RAB10: variants seen among roughly 807,000 people sequenced by gnomAD.
RAB10 encodes ras-related protein Rab-10.
Under a neutral mutation model 25.7 loss-of-function variants are expected in RAB10, and 5 were observed. The observed-to-expected ratio is 0.19, with a 90% CI of 0.10 to 0.41. The LOEUF is 0.41. Ranked by LOEUF, RAB10 falls within the 10% of genes least tolerant of loss-of-function variation. The probability of loss-of-function intolerance (pLI) is 1.00; values close to 1 mark genes in which losing one functional copy is unlikely to be tolerated. For missense variants in RAB10, 103 were observed against 245.8 expected (o/e 0.42, Z 3.89); for synonymous variants, 89 against 86.4 (o/e 1.03, Z -0.16).
At chr2:26,043,193 C>T (rs1665928533) in intron 1 of RAB10, among the ~76,000 whole-genome samples, 1 of 152,098 alleles carries the variant, frequency 6.6e-6, no homozygotes, top group Non-Finnish European at 1.5e-5. Flanking sequence ...TTTAGGAGGC[C>T]AGATTACTTG....
At position 26,109,958 on chromosome 2, in the gene RAB10, G is replaced by C. The variant is rs1287264954; in HGVS notation, c.327+52G>C. The C allele has an allele frequency of 4.2e-6, 6 of 1,435,630 alleles. No homozygotes were observed. In the South Asian group the frequency reaches 8.8e-5, roughly 21 times the overall value. The allele number at this position is 1,435,630 out of a possible 1,614,324, so 88.9% of individuals were successfully genotyped here. ...TTCATGAACACACATTTGTGTGCTT[G>C]GTTAGGAAGAATAAATATTCCAACT... On this transcript the variant is annotated intron_variant, in intron 3 of 5. Transcript: ENST00000264710.
intron 3 of RAB10, among the ~76,000 whole-genome samples, chr2:26,124,590 A>T (rs1442259870): frequency 1.3e-5 from 2 of 151,626 alleles, no homozygotes; most frequent in East Asian, 1.9e-4. Flanking sequence ...AATACTTTTT[A>T]AAATTGTGGT....
intron 5 of RAB10, among the ~76,000 whole-genome samples, chr2:26,133,768 A>G (rs1164074095): frequency 6.6e-6 from 1 of 151,282 alleles, no homozygotes; most frequent in African/African-American, 2.4e-5. Flanking sequence ...CTGCCTCCCG[A>G]GTTCAAGCGA....
chr2:26,108,093 A>G (rs1667502437), intron 2 of RAB10, among the ~76,000 whole-genome samples: 1 of 152,242 alleles, frequency 6.6e-6, no homozygotes, highest in Non-Finnish European at 1.5e-5. Flanking sequence ...CTCTGGAAAA[A>G]GTTGGCCAGT....
chr2:26,040,988 G>A (rs553505664), intron 1 of RAB10, among the ~76,000 whole-genome samples: 2 of 151,158 alleles, frequency 1.3e-5, no homozygotes, highest in East Asian at 1.9e-4. Context: ...ATCTCAAAAC[G>A]AATCCAAGGG....
In RAB10 at chr2:26,078,569, G is replaced by A. The variant is rs140365768; in HGVS notation, c.128-20093G>A. On this transcript the variant is annotated intron_variant, in intron 1 of 5. Transcript: ENST00000264710. ...TTACTGCTCAGTAGGCAGGACTAGGGTGATTTCTGAGGTGATACATGTAAT... is the reference window on the plus strand; with the variant it reads ...TTACTGCTCAGTAGGCAGGACTAGGATGATTTCTGAGGTGATACATGTAAT... 8.0e-4 allele frequency among the ~76,000 whole-genome samples: 122 copies of A among 152,266 alleles called. 1 individual carries two copies. Among genetic ancestry groups the A allele is most frequent in the African/African-American group, 2.8e-3 (116 of 41,550 alleles).
intron 3 of RAB10, among the ~76,000 whole-genome samples, chr2:26,122,870 C>T (rs186378726): frequency 9.0e-4 from 137 of 151,906 alleles, no homozygotes; most frequent in Non-Finnish European, 8.8e-4. Context: ...GTCTTTAATG[C>T]AGTTAAAAGT....
At chr2:26,108,344 T>C (rs1443175902) in intron 2 of RAB10, among the ~76,000 whole-genome samples, 1 of 152,220 alleles carries the variant, frequency 6.6e-6, no homozygotes, top group Non-Finnish European at 1.5e-5. Flanking sequence ...CAGGATTATG[T>C]GCAAAACTTG....
chr2:26,108,128 A>G (rs1667503374), intron 2 of RAB10, among the ~76,000 whole-genome samples: 1 of 152,242 alleles, frequency 6.6e-6, no homozygotes, highest in South Asian at 2.1e-4. Context: ...CACTTACCAT[A>G]TTACCCATAA....
rs182066551 is a variant in RAB10 at position 26,133,735 on chromosome 2, G to A, written c.520-1203G>A. 4.1e-3 allele frequency among the ~76,000 whole-genome samples: 615 copies of A among 151,766 alleles called. 6 individuals carry two copies. The highest frequency in any genetic ancestry group is 5.3e-3 in the Admixed American group (81 of 15,234). ...GTCGCCCAGGCTGGAGTGCTGTGGC[G>A]GGATCTTGACTCACTGCAACCTCTG... is the stretch of plus-strand genomic sequence containing the variant. On this transcript the variant is annotated intron_variant, in intron 5 of 5. Transcript: ENST00000264710.
intron 1 of RAB10, among the ~76,000 whole-genome samples, chr2:26,080,140 A>G (rs1311542280): frequency 6.6e-6 from 1 of 152,234 alleles, no homozygotes; most frequent in Non-Finnish European, 1.5e-5. Flanking sequence ...GGAGCTGTTA[A>G]TGGCCAGAGC....
chr2:26,052,688 C>T (rs1666163780), intron 1 of RAB10, among the ~76,000 whole-genome samples: 1 of 152,030 alleles, frequency 6.6e-6, no homozygotes, highest in Non-Finnish European at 1.5e-5. Flanking sequence ...TCATTGTACA[C>T]ATTTGTATTT....
chr2:26,119,044 C>T (rs141178851), intron 3 of RAB10, among the ~76,000 whole-genome samples: 1 of 152,122 alleles, frequency 6.6e-6, no homozygotes, highest in East Asian at 1.9e-4. Flanking sequence ...TTTATTGGTC[C>T]CCTGGCTCAG....
intron 1 of RAB10, among the ~76,000 whole-genome samples, chr2:26,064,892 C>T (rs892019706): frequency 2.6e-5 from 4 of 151,988 alleles, no homozygotes; most frequent in Middle Eastern, 3.2e-3. Flanking sequence ...CACACATGTG[C>T]GCACACACTC....
chr2:26,121,753 G>T (rs774438721), intron 3 of RAB10, among the ~76,000 whole-genome samples: 3 of 152,146 alleles, frequency 2.0e-5, no homozygotes, highest in Middle Eastern at 3.2e-3. Flanking sequence ...TTTGCATCAA[G>T]AGAAATGTAA....
intron 1 of RAB10, among the ~76,000 whole-genome samples, chr2:26,058,131 A>AT (rs758473393): frequency 1.3e-5 from 2 of 152,152 alleles, no homozygotes; most frequent in Non-Finnish European, 2.9e-5. Context: ...ACATTAGCAG[A>AT]TTCTTTTGGA....
At chr2:26,070,731 A>G (rs963176096) in intron 1 of RAB10, among the ~76,000 whole-genome samples, 1 of 152,334 alleles carries the variant, frequency 6.6e-6, no homozygotes, top group Admixed American at 6.5e-5. Flanking sequence ...TTACAGTTTA[A>G]AAAATGTCTT....
intron 3 of RAB10, among the ~76,000 whole-genome samples, chr2:26,117,805 A>G (rs562885472): frequency 4.7e-4 from 72 of 152,228 alleles, no homozygotes; most frequent in Non-Finnish European, 6.3e-4. Context: ...GTGGATTCCA[A>G]TTTAAGAGAG....
Position 26,135,140 on chromosome 2 carries a change from C to A in RAB10, c.*119C>A. Reference sequence around the variant, plus strand: ...TATTTTTGTTTCTCATCTTAACTATCCAAGCCACCTATTTTATTTGTTCTT... The same window carrying A: ...TATTTTTGTTTCTCATCTTAACTATACAAGCCACCTATTTTATTTGTTCTT... On this transcript the variant is annotated 3_prime_UTR_variant, in exon 6 of 6. Transcript: ENST00000264710. 4.6e-6 allele frequency: 3 copies of A among 656,982 alleles called. No homozygotes were observed. The highest frequency in any genetic ancestry group is 7.1e-6 in the Non-Finnish European group (3 of 420,270). 40.7% of individuals were successfully genotyped at this position (656,982 alleles called of 1,614,324 possible).
Sources: gnomAD v4.1 joint callset for allele counts (sites outside exome capture counted in the v4.1 genomes callset) on GRCh38, gnomAD v4.1.1 for gene constraint, MANE v1.5 for transcripts, NCBI Gene and HGNC (gene_info 2026-07-23, HGNC 2026-07-21) for gene names.